NKAIN3: variants seen among roughly 807,000 people sequenced by gnomAD.
The protein encoded by NKAIN3 is sodium/potassium-transporting ATPase subunit beta-1-interacting protein 3.
NKAIN3 carries 25 observed loss-of-function variants against 30.2 expected under a neutral mutation model. The observed-to-expected ratio is 0.83, with a 90% confidence interval of 0.60 to 1.16. The LOEUF is 1.16. Ranked by LOEUF, NKAIN3 falls within the 50% of genes most tolerant of loss-of-function variation. The pLI, the probability that NKAIN3 is intolerant of heterozygous loss-of-function variation, is 0.00. For synonymous variants in NKAIN3, 91 were observed against 89.6 expected, an observed-to-expected ratio of 1.02 and a Z score of -0.09; for missense variants, 225 against 254.1, an observed-to-expected ratio of 0.89 and a Z score of 0.78.
chr8:62,707,149 T>C (rs969360539), intron 3 of NKAIN3, among the ~76,000 whole-genome samples: 9 of 151,978 alleles, frequency 5.9e-5, no homozygotes, highest in Admixed American at 5.9e-4. Flanking sequence ...TTTGGTTGGA[T>C]CCACAATTTT....
In NKAIN3 at chr8:62,763,066, C is replaced by T. The variant is rs141530871; in HGVS notation, c.471+15937C>T. Among the ~76,000 whole-genome samples, 788 of 151,146 alleles carry T rather than the reference C, an allele frequency of 5.2e-3. 4 individuals carry two copies. Among genetic ancestry groups the T allele is most frequent in the Non-Finnish European group, 7.9e-3 (532 of 67,720 alleles). ...TGAAACCCCATCTCTACTAAAAATA[C>T]AAAAACTAGCCGGGCATGGTGGCGG... On this transcript the variant is annotated intron_variant, in intron 4 of 6. Transcript: ENST00000623646.
chr8:62,468,536 T>G lies in NKAIN3; in HGVS notation c.55-111003T>G, dbSNP rs1008353441. Among the ~76,000 whole-genome samples, 3 of 152,334 alleles carry G rather than the reference T, an allele frequency of 2.0e-5. No individual in the cohort carries two copies. The East Asian group carries it at 5.8e-4, about 29-fold the overall frequency. ...TTTGGAAATGGCAGCACATTTGCTG[T>G]GCATTGGCAATGCCTGGACAAGATT... is the stretch of plus-strand genomic sequence containing the variant. On this transcript the variant is annotated intron_variant, in intron 1 of 6. Transcript: ENST00000623646.
intron 2 of NKAIN3, among the ~76,000 whole-genome samples, chr8:62,585,600 G>A (rs907201941): frequency 2.2e-4 from 33 of 152,094 alleles, no homozygotes; most frequent in Non-Finnish European, 4.7e-4. Flanking sequence ...ATAAGTAGCC[G>A]CAGCCTAGAT....
At chr8:62,857,008 T>C in intron 4 of NKAIN3, 1 of 522,818 alleles carries the variant, frequency 1.9e-6, no homozygotes, top group South Asian at 1.5e-5. Context: ...AGTCTCCACT[T>C]GCTTCAAGGT....
chr8:62,572,249 C>T (rs191744428), intron 1 of NKAIN3, among the ~76,000 whole-genome samples: 7 of 152,306 alleles, frequency 4.6e-5, no homozygotes, highest in Admixed American at 4.6e-4. Flanking sequence ...CTGCCAGTCT[C>T]TTTGCTTAAA....
chr8:62,351,175 G>A (rs1816168167), intron 1 of NKAIN3, among the ~76,000 whole-genome samples: 2 of 149,614 alleles, frequency 1.3e-5, no homozygotes, highest in African/African-American at 2.4e-5. Flanking sequence ...TCATCCCTCT[G>A]TTCCCTGGGG....
At chr8:62,406,122 A>C (rs1403525263) in intron 1 of NKAIN3, among the ~76,000 whole-genome samples, 2 of 152,198 alleles carry the variant, frequency 1.3e-5, no homozygotes, top group Non-Finnish European at 2.9e-5. Context: ...TTCCAAAGAG[A>C]AGTCACTCCT....
chr8:62,444,917 G>C (rs1805434918), intron 1 of NKAIN3, among the ~76,000 whole-genome samples: 1 of 152,046 alleles, frequency 6.6e-6, no homozygotes, highest in African/African-American at 2.4e-5. Context: ...GTGGTGAGAT[G>C]ATATCTCATT....
intron 1 of NKAIN3, among the ~76,000 whole-genome samples, chr8:62,472,811 G>C (rs1176650803): frequency 6.6e-6 from 1 of 152,214 alleles, no homozygotes; most frequent in Non-Finnish European, 1.5e-5. Context: ...CTTAGGAAAA[G>C]CTTAGCGGTC....
Position 62,918,726 on chromosome 8 carries a change from C to T in NKAIN3, c.532+213C>T, listed in dbSNP as rs142516532. Among the ~76,000 whole-genome samples, 158 of 152,236 alleles carry T rather than the reference C, an allele frequency of 1.0e-3. 1 individual carries two copies. Among genetic ancestry groups the T allele is most frequent in the African/African-American group, 3.4e-3 (140 of 41,540 alleles). On this transcript the variant is annotated intron_variant, in intron 5 of 6. Coordinates refer to ENST00000623646, the MANE Select transcript of NKAIN3 (RefSeq NM_001304533.3). ...TAGAAACACTCAATTTGTGAGAGCA[C>T]GTGCAGAGACTTAGAAGGACAAGGA... is the stretch of plus-strand genomic sequence containing the variant.
chr8:62,638,052 G>A (rs1430631956), intron 3 of NKAIN3, among the ~76,000 whole-genome samples: 1 of 152,074 alleles, frequency 6.6e-6, no homozygotes, highest in African/African-American at 2.4e-5. Flanking sequence ...AACATTTTCT[G>A]CCTTGTGGAA....
At chr8:62,466,205 C>G (rs12548819) in intron 1 of NKAIN3, among the ~76,000 whole-genome samples, 50,558 of 151,810 alleles carry the variant, frequency 0.33, 9,655 homozygotes, top group South Asian at 0.45. Context: ...GGTTTTTGGA[C>G]AGAGGAAATT....
At chr8:62,596,717 C>A (rs1810846905) in intron 3 of NKAIN3, among the ~76,000 whole-genome samples, 1 of 152,056 alleles carries the variant, frequency 6.6e-6, no homozygotes, top group East Asian at 1.9e-4. Flanking sequence ...TTTCAAAGTC[C>A]TTTTTCTACA....
At position 62,325,977 on chromosome 8, in the gene NKAIN3, T is replaced by A. The variant is rs144723863; in HGVS notation, c.54+76850T>A. 6.7e-3 allele frequency among the ~76,000 whole-genome samples: 1,014 copies of A among 152,200 alleles called. 10 individuals are homozygous for A. Among genetic ancestry groups the A allele is most frequent in the African/African-American group, 0.023 (959 of 41,586 alleles). ...GGTAGTCTGTTTACTCTATTGATTA[T>A]TTATTTTGCTGTGAAATAGCTTTTT... is the stretch of plus-strand genomic sequence containing the variant. On this transcript the variant is annotated intron_variant, in intron 1 of 6. Coordinates refer to ENST00000623646, the MANE Select transcript of NKAIN3 (RefSeq NM_001304533.3).
intron 3 of NKAIN3, among the ~76,000 whole-genome samples, chr8:62,672,217 T>C (rs563480480): frequency 1.3e-5 from 2 of 152,336 alleles, no homozygotes; most frequent in Admixed American, 6.5e-5. Context: ...GGTTCACCCA[T>C]GCCATCCATC....
intron 1 of NKAIN3, among the ~76,000 whole-genome samples, chr8:62,322,035 C>A (rs1238632369): frequency 1.3e-5 from 2 of 152,196 alleles, no homozygotes; most frequent in Non-Finnish European, 2.9e-5. Context: ...ATGGCCGACA[C>A]CCCTCCCCCA....
intron 3 of NKAIN3, among the ~76,000 whole-genome samples, chr8:62,744,112 G>A (rs192938604): frequency 1.3e-4 from 20 of 152,284 alleles, no homozygotes; most frequent in African/African-American, 4.8e-4. Context: ...AGGAAAGCAG[G>A]AGAAAGAAGG....
At chr8:62,459,348 C>T (rs891491719) in intron 1 of NKAIN3, among the ~76,000 whole-genome samples, 8 of 152,182 alleles carry the variant, frequency 5.3e-5, no homozygotes, top group Admixed American at 2.0e-4. Context: ...GCTGAAATTT[C>T]AGCAGAGGCT....
intron 1 of NKAIN3, among the ~76,000 whole-genome samples, chr8:62,298,360 C>T (rs923697917): frequency 2.0e-5 from 3 of 151,902 alleles, no homozygotes; most frequent in South Asian, 2.1e-4. Flanking sequence ...CAAAGAATAC[C>T]TCTGATCTGA....
Sources: gnomAD v4.1 joint callset for allele counts (sites outside exome capture counted in the v4.1 genomes callset) on GRCh38, gnomAD v4.1.1 for gene constraint, MANE v1.5 for transcripts, NCBI Gene and HGNC (gene_info 2026-07-23, HGNC 2026-07-21) for gene names.